LHFPL3: variants seen among roughly 807,000 people sequenced by gnomAD.
LHFPL3 encodes LHFPL tetraspan subfamily member 3 protein.
A neutral mutation model predicts 19.3 loss-of-function variants in LHFPL3; 5 were observed. That is an observed-to-expected ratio of 0.26 (90% confidence interval 0.14 to 0.54). The LOEUF (loss-of-function observed/expected upper bound fraction) is 0.54, where lower values mean the gene tolerates loss of function less well. Ranked by LOEUF, LHFPL3 falls within the 20% of genes least tolerant of loss-of-function variation. The pLI is 0.94. For missense variants in LHFPL3, 249 were observed against 307.4 expected (o/e 0.81, Z 1.42); for synonymous variants, 133 against 126.2 (o/e 1.05, Z -0.36).
rs377420240 is a variant in LHFPL3 at position 104,407,353 on chromosome 7, A to C, written c.445+78129A>C. Among the ~76,000 whole-genome samples the C allele has an allele frequency of 5.3e-5, 8 of 152,300 alleles. No individual in the cohort carries two copies. In the East Asian group the frequency reaches 9.6e-4, roughly 18 times the overall value. ...TGTTCTGTAGGTCTAATGAAGGAAA[A>C]TAACTTTTAAGAGAACCTTCTGGCT... is the stretch of plus-strand genomic sequence containing the variant. On this transcript the variant is annotated intron_variant, in intron 1 of 2. Coordinates refer to ENST00000424859, the MANE Select transcript of LHFPL3 (RefSeq NM_199000.3).
intron 1 of LHFPL3, among the ~76,000 whole-genome samples, chr7:104,509,651 A>G (rs538856842): frequency 6.6e-6 from 1 of 152,252 alleles, no homozygotes; most frequent in South Asian, 2.1e-4. Flanking sequence ...AAAAAATTAA[A>G]TGCTTTGCCT....
At chr7:104,851,868 G>A (rs879487703) in intron 2 of LHFPL3, among the ~76,000 whole-genome samples, 24 of 152,190 alleles carry the variant, frequency 1.6e-4, no homozygotes, top group Admixed American at 6.5e-4. Context: ...ATCTGCTTGG[G>A]CCGTAGCTTT....
At chr7:104,410,382 C>G (rs1007219014) in intron 1 of LHFPL3, among the ~76,000 whole-genome samples, 9 of 152,218 alleles carry the variant, frequency 5.9e-5, no homozygotes, top group Admixed American at 1.3e-4. Flanking sequence ...ATCCACCCGC[C>G]TTGGCCTCCC....
chr7:104,369,295 G>T (rs1409579632), intron 1 of LHFPL3, among the ~76,000 whole-genome samples: 1 of 152,076 alleles, frequency 6.6e-6, no homozygotes, highest in African/African-American at 2.4e-5. Context: ...ACCTTTTCTG[G>T]ATATTTTATA....
chr7:104,548,821 T>G (rs982808550), intron 1 of LHFPL3, among the ~76,000 whole-genome samples: 6 of 152,140 alleles, frequency 3.9e-5, no homozygotes, highest in Non-Finnish European at 7.4e-5. Flanking sequence ...TGAACCAGCC[T>G]AGGGAGGATT....
intron 1 of LHFPL3, among the ~76,000 whole-genome samples, chr7:104,376,247 A>C (rs1790712293): frequency 6.6e-6 from 1 of 152,234 alleles, no homozygotes; most frequent in Non-Finnish European, 1.5e-5. Context: ...GTTCTGTCCT[A>C]GATGCTGGGG....
intron 1 of LHFPL3, among the ~76,000 whole-genome samples, chr7:104,352,160 G>A (rs1408368547): frequency 1.4e-5 from 2 of 147,246 alleles, no homozygotes; most frequent in Admixed American, 1.4e-4. Context: ...GCGAGGCCCT[G>A]TATAAAAAAA....
At chr7:104,431,605 G>A (rs928371640) in intron 1 of LHFPL3, among the ~76,000 whole-genome samples, 1 of 151,908 alleles carries the variant, frequency 6.6e-6, no homozygotes, top group Non-Finnish European at 1.5e-5. Flanking sequence ...TTCCAAAGTG[G>A]GCTCTTTTTT....
intron 1 of LHFPL3, among the ~76,000 whole-genome samples, chr7:104,725,550 G>GT (rs1332950624): frequency 1.3e-5 from 2 of 152,026 alleles, no homozygotes; most frequent in South Asian, 2.1e-4. Context: ...CCTGAGAGGT[G>GT]TTTTTTTGAA....
At chr7:104,881,184 A>G (rs1478103498) in intron 2 of LHFPL3, among the ~76,000 whole-genome samples, 1 of 151,958 alleles carries the variant, frequency 6.6e-6, no homozygotes, top group Non-Finnish European at 1.5e-5. Flanking sequence ...AAAAAAAAAA[A>G]AAAAAGAAAT....
chr7:104,594,153 T>A (rs1790790080), intron 1 of LHFPL3, among the ~76,000 whole-genome samples: 1 of 152,248 alleles, frequency 6.6e-6, no homozygotes, highest in South Asian at 2.1e-4. Flanking sequence ...CAATTTGGCC[T>A]GTTCTTGCAG....
chr7:104,875,866 TC>T (rs2116670523), intron 2 of LHFPL3, among the ~76,000 whole-genome samples: 1 of 152,236 alleles, frequency 6.6e-6, no homozygotes, highest in East Asian at 1.9e-4. Flanking sequence ...AATTTTTCCC[TC>T]CTCACTCTCA....
intron 1 of LHFPL3, among the ~76,000 whole-genome samples, chr7:104,636,023 C>T (rs186707649): frequency 2.6e-5 from 4 of 152,238 alleles, no homozygotes; most frequent in Admixed American, 1.3e-4. Context: ...AAAAAGACAA[C>T]TCTAGAAACA....
At chr7:104,483,385 T>TTATA (rs1424780804) in intron 1 of LHFPL3, among the ~76,000 whole-genome samples, 1 of 152,230 alleles carries the variant, frequency 6.6e-6, no homozygotes, top group East Asian at 1.9e-4. Flanking sequence ...AATTTTATGT[T>TTATA]CAGTTGTAAT....
intron 1 of LHFPL3, among the ~76,000 whole-genome samples, chr7:104,488,391 T>C (rs890485276): frequency 6.6e-6 from 1 of 152,138 alleles, no homozygotes; most frequent in Non-Finnish European, 1.5e-5. Flanking sequence ...TTTTCATTGG[T>C]TCACTTTTCC....
intron 2 of LHFPL3, among the ~76,000 whole-genome samples, chr7:104,779,154 C>G (rs988752514): frequency 6.6e-6 from 1 of 152,174 alleles, no homozygotes; most frequent in African/African-American, 2.4e-5. Context: ...TGTATGATCT[C>G]TATGCCTTAG....
chr7:104,689,336 C>T (rs748992632), intron 1 of LHFPL3, among the ~76,000 whole-genome samples: 2 of 152,158 alleles, frequency 1.3e-5, no homozygotes, highest in Non-Finnish European at 2.9e-5. Flanking sequence ...TAGTCTGACT[C>T]CTGTAGAGCT....
intron 2 of LHFPL3, among the ~76,000 whole-genome samples, chr7:104,855,611 A>C (rs537715397): frequency 2.7e-5 from 4 of 149,152 alleles, no homozygotes; most frequent in Non-Finnish European, 5.9e-5. Context: ...ATATCCAAAT[A>C]ACTCCAGATT....
At chr7:104,382,726 A>G (rs1422301715) in intron 1 of LHFPL3, among the ~76,000 whole-genome samples, 1 of 152,184 alleles carries the variant, frequency 6.6e-6, no homozygotes, top group Admixed American at 6.5e-5. Context: ...AAGAAATGTA[A>G]AAAACAGTCA....
Sources: gnomAD v4.1 joint callset for allele counts (sites outside exome capture counted in the v4.1 genomes callset) on GRCh38, gnomAD v4.1.1 for gene constraint, MANE v1.5 for transcripts, NCBI Gene and HGNC (gene_info 2026-07-23, HGNC 2026-07-21) for gene names.